ZNF334: variants seen among roughly 807,000 people sequenced by gnomAD.
The protein encoded by ZNF334 is zinc finger protein 334.
In ZNF334, 14 loss-of-function variants were observed where a neutral mutation model predicts 12.4. That is an observed-to-expected ratio of 1.13 (90% CI 0.74 to 1.76). The LOEUF is 1.76. ZNF334 is among the 40% of genes most tolerant of loss of function. The probability of loss-of-function intolerance (pLI) is 0.00; values close to 1 mark genes in which losing one functional copy is unlikely to be tolerated. For missense variants in ZNF334, 797 were observed against 804.5 expected (o/e 0.99, Z 0.11); for synonymous variants, 273 against 269.6 (o/e 1.01, Z -0.12).
the ZNF334 span, among the ~76,000 whole-genome samples, chr20:46,489,154 G>A: frequency 6.6e-6 from 1 of 151,430 alleles, no homozygotes; most frequent in East Asian, 1.9e-4. Context: ...AGAGACTCTA[G>A]TTGCCCAGAT....
chr20:46,505,788 A>G (rs1314214467), intron 2 of ZNF334: 2 of 153,594 alleles, frequency 1.3e-5, no homozygotes, highest in Non-Finnish European at 2.9e-5. Context: ...AAAAATTTTG[A>G]CCTTGTCCTC....
chr20:46,463,799 C>T, the ZNF334 span: 3 of 290,242 alleles, frequency 1.0e-5, no homozygotes, highest in South Asian at 7.8e-5. Context: ...GTTGATAGGC[C>T]TGCCTAGGAG....
chr20:46,512,255 G>T, intron 1 of ZNF334, 115 bp from the exon 2 acceptor site: 2 of 680,386 alleles, frequency 2.9e-6, no homozygotes, highest in Non-Finnish European at 5.0e-6. Context: ...GACCAGTCTG[G>T]TTCAGGAAGC....
chr20:46,462,529 C>T, the ZNF334 span, among the ~76,000 whole-genome samples: 29 of 152,222 alleles, frequency 1.9e-4, no homozygotes, highest in African/African-American at 6.8e-4. Context: ...AACAACAAAA[C>T]ACCTCGAATG....
the ZNF334 span, among the ~76,000 whole-genome samples, chr20:46,493,802 C>T: frequency 3.6e-4 from 55 of 152,040 alleles, 1 homozygote; most frequent in African/African-American, 1.3e-3. Context: ...TGGTGGCGTG[C>T]GCCTTTAATC....
At chr20:46,465,649 T>C in the ZNF334 span, among the ~76,000 whole-genome samples, 1 of 152,140 alleles carries the variant, frequency 6.6e-6, no homozygotes, top group Non-Finnish European at 1.5e-5. Context: ...CACGTGAGTC[T>C]GAGTGGTCAA....
chr20:46,477,554 C>T, the ZNF334 span, among the ~76,000 whole-genome samples: 2 of 152,144 alleles, frequency 1.3e-5, no homozygotes, highest in South Asian at 4.1e-4. Flanking sequence ...CCAGGATGGT[C>T]TCAGACTTCT....
the ZNF334 span, among the ~76,000 whole-genome samples, chr20:46,472,673 T>C: frequency 6.6e-6 from 1 of 152,072 alleles, no homozygotes; most frequent in Non-Finnish European, 1.5e-5. Flanking sequence ...AACAGGAGAA[T>C]AGGTCAGGTA....
the ZNF334 span, among the ~76,000 whole-genome samples, chr20:46,490,049 ACAC>A: frequency 6.6e-5 from 10 of 152,180 alleles, no homozygotes; most frequent in Non-Finnish European, 1.2e-4. Flanking sequence ...AGAACTCATG[ACAC>A]CACAGTTTTA....
At chr20:46,463,802 C>T in the ZNF334 span, 1 of 327,222 alleles carries the variant, frequency 3.1e-6, no homozygotes, top group Non-Finnish European at 6.1e-6. Context: ...GATAGGCCTG[C>T]CTAGGAGAGA....
chr20:46,493,510 G>A, the ZNF334 span, among the ~76,000 whole-genome samples: 37 of 152,272 alleles, frequency 2.4e-4, no homozygotes, highest in African/African-American at 8.9e-4. Flanking sequence ...ATGGTCGGGC[G>A]CAGTGGCTCA....
At chr20:46,479,857 G>A in the ZNF334 span, among the ~76,000 whole-genome samples, 20 of 152,166 alleles carry the variant, frequency 1.3e-4, no homozygotes, top group East Asian at 9.7e-4. Context: ...CTCCCCACCC[G>A]CTTACCTTAA....
chr20:46,499,219 A>G (rs947127534), downstream of ZNF334, among the ~76,000 whole-genome samples: 7 of 146,302 alleles, frequency 4.8e-5, no homozygotes, highest in East Asian at 1.4e-3. Flanking sequence ...ATGTGAAGTT[A>G]TGCTGCCACA....
rs1173251110 is a variant in ZNF334 at position 46,502,188 on chromosome 20, T to G, written c.1151A>C (p.Lys384Thr). The change falls in exon 5 of 5, where the codon AAA becomes ACA. Residue 384 changes from lysine (K) to threonine (T), a missense_variant. Lys to Thr is a moderately conservative substitution (Grantham distance 78). Coordinates refer to ENST00000692313, the MANE Select transcript of ZNF334 (RefSeq NM_001353824.2). Reference sequence around the variant, plus strand: ...AAGGGCTGACTGACAGAAGAAGGTTTTCCCACATTCCTTACATTCATTTGG... The same window carrying G: ...AAGGGCTGACTGACAGAAGAAGGTTGTCCCACATTCCTTACATTCATTTGG... ...EKPNECKECG[K>T]TFFCQSALTA... The G allele has an allele frequency of 6.2e-7, 1 of 1,614,144 alleles. No individual in the cohort carries two copies. The highest frequency in any genetic ancestry group is 2.2e-5 in the East Asian group (1 of 44,878).
At position 46,500,032 on chromosome 20, in the gene ZNF334, T is replaced by G. The variant is rs1331567027; in HGVS notation, c.*1264A>C. ...ATGCAACTTAGTGTGACCATTCAGC[T>G]AATGGGCCAATTAGCTGAATGACAG... On this transcript the variant is annotated 3_prime_UTR_variant, in exon 5 of 5. Transcript: ENST00000692313. 6.6e-6 allele frequency: 1 copy of G among 152,184 alleles called. No homozygotes were observed. The highest frequency in any genetic ancestry group is 2.4e-5 in the African/African-American group (1 of 41,444). 9.4% of individuals were successfully genotyped at this position (152,184 alleles called of 1,614,324 possible).
At position 46,501,920 on chromosome 20, in the gene ZNF334, CTT is replaced by C; in HGVS notation, c.1417_1418del (p.Lys473ValfsTer19). ...TTCTCTGATGTATAGTGAGTGTTGA[CTT>C]ATGGCAGAAAAATTTCCCACATTCA... ...CNECGKFFCH[K>X]STLTIHQRTH... On this transcript the variant is annotated frameshift_variant, in exon 5 of 5. Transcript: ENST00000692313. LOFTEE classifies it low-confidence loss of function (END_TRUNC). 1 of 1,614,094 alleles carries C rather than the reference CTT, an allele frequency of 6.2e-7. No homozygotes were observed. Among genetic ancestry groups the C allele is most frequent in the Non-Finnish European group, 8.5e-7 (1 of 1,180,004 alleles).
the ZNF334 span, chr20:46,485,222 C>A: frequency 6.1e-6 from 1 of 163,334 alleles, no homozygotes; most frequent in Non-Finnish European, 1.5e-5. Context: ...CCATGAGTTT[C>A]CAAAGGAATC....
intron 2 of ZNF334, chr20:46,509,781 G>T: frequency 1.5e-6 from 1 of 662,580 alleles, no homozygotes; most frequent in South Asian, 1.6e-5. Flanking sequence ...GGTGTGGGTG[G>T]GTGGCATTAA....
At chr20:46,480,618 T>A in the ZNF334 span, among the ~76,000 whole-genome samples, 1 of 152,126 alleles carries the variant, frequency 6.6e-6, no homozygotes, top group Non-Finnish European at 1.5e-5. Flanking sequence ...GATGTGACAA[T>A]CCTGCATTCC....
Sources: allele counts gnomAD v4.1 joint callset (sites outside exome capture counted in the v4.1 genomes callset), GRCh38; gene constraint gnomAD v4.1.1; transcripts MANE v1.5; gene names NCBI Gene and HGNC (gene_info 2026-07-23, HGNC 2026-07-21).